NELL1: variants seen among roughly 807,000 people sequenced by gnomAD.
NELL1 encodes protein kinase C-binding protein NELL1.
NELL1 carries 76 observed loss-of-function variants against 107.4 expected under a neutral mutation model. That is an observed-to-expected ratio of 0.71 (90% CI 0.59 to 0.86). The LOEUF is 0.86. Ranked by LOEUF, NELL1 falls within the 40% of genes least tolerant of loss-of-function variation. The probability of loss-of-function intolerance (pLI) is 0.00; values close to 1 mark genes in which losing one functional copy is unlikely to be tolerated. For missense variants in NELL1, 1,024 were observed against 1,005.5 expected, an observed-to-expected ratio of 1.02 and a Z score of -0.25; for synonymous variants, 353 against 341.2, an observed-to-expected ratio of 1.03 and a Z score of -0.38.
chr11:21,114,504 A>G (rs978001188), intron 13 of NELL1, among the ~76,000 whole-genome samples: 5 of 152,006 alleles, frequency 3.3e-5, no homozygotes, highest in African/African-American at 9.7e-5. Flanking sequence ...TCACGTTGGT[A>G]TATAAAAAGT....
At chr11:21,561,744 T>C (rs1856855105) in intron 17 of NELL1, among the ~76,000 whole-genome samples, 1 of 152,052 alleles carries the variant, frequency 6.6e-6, no homozygotes, top group African/African-American at 2.4e-5. Context: ...ACTCAGACTT[T>C]TGACTTTCAA....
At chr11:20,952,056 G>A (rs1260714099) in intron 11 of NELL1, among the ~76,000 whole-genome samples, 4 of 148,134 alleles carry the variant, frequency 2.7e-5, no homozygotes, top group African/African-American at 5.0e-5. Flanking sequence ...GTTAAAGGAT[G>A]AAAAAAAAAA....
chr11:21,175,092 A>C (rs1373208009), intron 13 of NELL1, among the ~76,000 whole-genome samples: 2 of 151,878 alleles, frequency 1.3e-5, no homozygotes, highest in East Asian at 1.9e-4. Context: ...ATGAGACTTA[A>C]ATTTACTGAA....
intron 17 of NELL1, among the ~76,000 whole-genome samples, chr11:21,568,434 A>G (rs1857021766): frequency 6.6e-6 from 1 of 151,812 alleles, no homozygotes; most frequent in African/African-American, 2.4e-5. Context: ...TACTTAGGCT[A>G]CACTAAATTT....
chr11:20,751,131 GT>G (rs1288597028), intron 2 of NELL1, among the ~76,000 whole-genome samples: 1 of 151,276 alleles, frequency 6.6e-6, no homozygotes, highest in East Asian at 1.9e-4. Context: ...TATTACTGCA[GT>G]TTTATGGTAA....
chr11:21,069,932 C>A (rs1029518397), intron 12 of NELL1, among the ~76,000 whole-genome samples: 6 of 152,184 alleles, frequency 3.9e-5, no homozygotes, highest in Non-Finnish European at 7.3e-5. Flanking sequence ...GTCCAACACA[C>A]AGTAAGTGCG....
intron 16 of NELL1, among the ~76,000 whole-genome samples, chr11:21,554,644 T>A (rs1383504665): frequency 6.6e-6 from 1 of 151,920 alleles, no homozygotes; most frequent in Non-Finnish European, 1.5e-5. Flanking sequence ...TAATAGTGAC[T>A]AATCATTTTT....
At chr11:20,929,154 T>A (rs964671504) in intron 9 of NELL1, among the ~76,000 whole-genome samples, 1 of 152,182 alleles carries the variant, frequency 6.6e-6, no homozygotes, top group Non-Finnish European at 1.5e-5. Flanking sequence ...AGAAAACTAG[T>A]TCTGTTGACT....
intron 14 of NELL1, among the ~76,000 whole-genome samples, chr11:21,322,791 A>G (rs1850043177): frequency 6.6e-6 from 1 of 152,036 alleles, no homozygotes; most frequent in Non-Finnish European, 1.5e-5. Context: ...ACAAAAATAT[A>G]CATATTTATT....
chr11:21,077,745 GA>G lies in NELL1; in HGVS notation c.1301-35831del, dbSNP rs11381496. ...GCGACAGAGTGAGACTCTGTCTCAG[GA>G]AAAAAAAAAAAAGAAGAATTAAAAT... On this transcript the variant is annotated intron_variant, in intron 12 of 19. Coordinates refer to ENST00000357134, the MANE Select transcript of NELL1 (RefSeq NM_006157.5). Among the ~76,000 whole-genome samples the G allele has an allele frequency of 3.8e-3, 517 of 137,542 alleles. 5 individuals carry two copies. The highest frequency in any genetic ancestry group is 0.012 in the African/African-American group (436 of 37,486). The allele number at this position is 137,542 out of a possible 152,430, so 90.2% of individuals were successfully genotyped here.
chr11:21,262,016 C>A (rs145075374), intron 14 of NELL1, among the ~76,000 whole-genome samples: 2 of 151,740 alleles, frequency 1.3e-5, no homozygotes, highest in African/African-American at 2.4e-5. Flanking sequence ...TACGATTGTG[C>A]GTGTGCTATT....
At chr11:20,723,270 G>T (rs1326885081) in intron 2 of NELL1, among the ~76,000 whole-genome samples, 1 of 152,140 alleles carries the variant, frequency 6.6e-6, no homozygotes, top group Non-Finnish European at 1.5e-5. Context: ...TAAGTCCAAA[G>T]TATCATCTGA....
chr11:20,983,770 T>C (rs1400371), intron 12 of NELL1, among the ~76,000 whole-genome samples: 41,162 of 151,928 alleles, frequency 0.27, 6,895 homozygotes, highest in East Asian at 0.51. Context: ...TTGGATGTTG[T>C]ACACAGAGTA....
At chr11:21,453,409 T>A (rs140969681) in intron 15 of NELL1, among the ~76,000 whole-genome samples, 2 of 152,322 alleles carry the variant, frequency 1.3e-5, no homozygotes, top group Non-Finnish European at 1.5e-5. Context: ...CTAAAGTTAC[T>A]CTAGCCTTAC....
chr11:20,755,559 T>TTTTTTTTTTTTTTTTA (rs1337491294), intron 2 of NELL1, among the ~76,000 whole-genome samples: 8 of 17,684 alleles, frequency 4.5e-4, no homozygotes, highest in East Asian at 2.4e-3. Flanking sequence ...TGTTTTTGTT[T>TTTTTTTTTTTTTTTTA]TTGTTTTTTT....
chr11:21,563,485 C>T (rs1856898124), intron 17 of NELL1, among the ~76,000 whole-genome samples: 1 of 151,916 alleles, frequency 6.6e-6, no homozygotes, highest in African/African-American at 2.4e-5. Context: ...TTGTTGGTTC[C>T]ACATTCTTGG....
chr11:21,495,908 A>G (rs1854965182), intron 15 of NELL1, among the ~76,000 whole-genome samples: 1 of 152,012 alleles, frequency 6.6e-6, no homozygotes, highest in Non-Finnish European at 1.5e-5. Context: ...AGAATTATAA[A>G]TATATTGTCA....
chr11:21,365,003 A>T (rs145689149), intron 14 of NELL1, among the ~76,000 whole-genome samples: 16 of 152,264 alleles, frequency 1.1e-4, no homozygotes, highest in African/African-American at 3.4e-4. Flanking sequence ...CTTTTCCTGT[A>T]CTTCACCTGG....
chr11:21,253,476 G>T (rs980027328), intron 14 of NELL1, among the ~76,000 whole-genome samples: 10 of 152,030 alleles, frequency 6.6e-5, no homozygotes, highest in Admixed American at 5.9e-4. Context: ...TGATGAAACT[G>T]GGATTAAAGA....
Sources: gnomAD v4.1 joint callset for allele counts (sites outside exome capture counted in the v4.1 genomes callset) on GRCh38, gnomAD v4.1.1 for gene constraint, MANE v1.5 for transcripts, NCBI Gene and HGNC (gene_info 2026-07-23, HGNC 2026-07-21) for gene names.